NLRP4: variants seen among roughly 807,000 people sequenced by gnomAD.
NLRP4 encodes NLR family pyrin domain containing 4.
A neutral mutation model predicts 84.7 loss-of-function variants in NLRP4; 44 were observed. The ratio of observed to expected loss-of-function variants is 0.52; its 90% CI spans 0.41 to 0.67. NLRP4 has a LOEUF of 0.67. NLRP4 is among the 30% of genes least tolerant of loss of function. The pLI is 0.00. For missense variants in NLRP4, 1,260 were observed against 1,219.4 expected, an observed-to-expected ratio of 1.03 and a Z score of -0.50; for synonymous variants, 544 against 476.4, an observed-to-expected ratio of 1.14 and a Z score of -1.85.
At chr19:55,878,499 TTTTG>T (rs1159045029) in intron 8 of NLRP4, among the ~76,000 whole-genome samples, 1 of 5,838 alleles carries the variant, frequency 1.7e-4, no homozygotes, top group Admixed American at 1.4e-3. Context: ...TCATACCTTT[TTTTG>T]GATAATATGT....
At chr19:55,867,913 A>G in intron 6 of NLRP4, 37 bp downstream of exon 6, 2 of 1,596,158 alleles carry the variant, frequency 1.3e-6, no homozygotes, top group East Asian at 2.2e-5. Context: ...GTGGAGGGCC[A>G]TGGCGGCAGT....
intron 8 of NLRP4, among the ~76,000 whole-genome samples, chr19:55,877,771 GTGTGTC>G (rs1007234988): frequency 1.1e-4 from 17 of 152,100 alleles, no homozygotes; most frequent in African/African-American, 4.1e-4. Flanking sequence ...CTCTGTGTGT[GTGTGTC>G]TAAATTTCCT....
intron 1 of NLRP4, among the ~76,000 whole-genome samples, chr19:55,837,804 G>A (rs1017457803): frequency 3.3e-5 from 5 of 152,152 alleles, no homozygotes; most frequent in African/African-American, 1.2e-4. Context: ...GGGAGGTTGA[G>A]GTGGGTGGAT....
intron 1 of NLRP4, among the ~76,000 whole-genome samples, chr19:55,847,928 G>C (rs960446147): frequency 6.6e-6 from 1 of 152,048 alleles, no homozygotes; most frequent in Non-Finnish European, 1.5e-5. Context: ...TCTTGGTCAG[G>C]CTGGTCTCAA....
chr19:55,845,238 C>T (rs1181091567), intron 1 of NLRP4, among the ~76,000 whole-genome samples: 3 of 138,398 alleles, frequency 2.2e-5, no homozygotes, highest in Non-Finnish European at 1.5e-5. Context: ...CATGTGTTCT[C>T]ATTGTTCAAT....
intron 1 of NLRP4, among the ~76,000 whole-genome samples, chr19:55,840,428 G>C (rs1983568533): frequency 6.6e-6 from 1 of 151,852 alleles, no homozygotes; most frequent in Non-Finnish European, 1.5e-5. Flanking sequence ...CTGTTGCCCA[G>C]GCTGGAATGC....
At chr19:55,869,648 A>C (rs1361346503) in intron 6 of NLRP4, among the ~76,000 whole-genome samples, 1 of 152,184 alleles carries the variant, frequency 6.6e-6, no homozygotes, top group Non-Finnish European at 1.5e-5. Flanking sequence ...TTGCCAACTG[A>C]TTTTGTTAAA....
At chr19:55,880,568 CATAG>C (rs1232948160) in intron 9 of NLRP4, among the ~76,000 whole-genome samples, 6 of 152,272 alleles carry the variant, frequency 3.9e-5, no homozygotes, top group African/African-American at 1.2e-4. Context: ...CAGCCCCTAC[CATAG>C]ATAGTCTCAC....
chr19:55,865,402 G>A lies in NLRP4; in HGVS notation c.2187-2307G>A, dbSNP rs1362996386. On this transcript the variant is annotated intron_variant, in intron 5 of 9. Transcript: ENST00000301295. Reference sequence around the variant, plus strand: ...CTAGCCCACTGTTGATGGGTATTTAGGTGAATAGTGCTGTGATGAGCATAC... The same window carrying A: ...CTAGCCCACTGTTGATGGGTATTTAAGTGAATAGTGCTGTGATGAGCATAC... 2.0e-5 allele frequency among the ~76,000 whole-genome samples: 3 copies of A among 152,128 alleles called. No homozygotes were observed. In the East Asian group the frequency reaches 5.8e-4, roughly 29 times the overall value.
intron 7 of NLRP4, among the ~76,000 whole-genome samples, chr19:55,872,083 C>T (rs547451422): frequency 6.6e-4 from 100 of 152,168 alleles, no homozygotes; most frequent in African/African-American, 2.2e-3. Flanking sequence ...CTCCTGATCT[C>T]GTGATCCGCC....
chr19:55,850,171 G>T lies in NLRP4; in HGVS notation c.-65-1845G>T, dbSNP rs368769757. Among the ~76,000 whole-genome samples, 121 of 134,844 alleles carry T rather than the reference G, an allele frequency of 9.0e-4. 2 individuals carry two copies. In the East Asian group the frequency reaches 0.011, roughly 12 times the overall value. The allele number at this position is 134,844 out of a possible 152,430, so 88.5% of individuals were successfully genotyped here. ...TTTCCGAGGCTGCGGTGTAATTTCC[G>T]TGGCTGCGGTGTAATTTCCGTGGCT... On this transcript the variant is annotated intron_variant, in intron 1 of 9. Coordinates refer to ENST00000301295, the MANE Select transcript of NLRP4 (RefSeq NM_134444.5).
chr19:55,870,298 C>T (rs1035934533), intron 6 of NLRP4, among the ~76,000 whole-genome samples: 1 of 152,142 alleles, frequency 6.6e-6, no homozygotes, highest in African/African-American at 2.4e-5. Context: ...ATTAGCTATG[C>T]CATATTACAC....
At chr19:55,857,434 C>T (rs888843263) in intron 2 of NLRP4, 99 of 513,918 alleles carry the variant, frequency 1.9e-4, no homozygotes, top group African/African-American at 1.7e-3. Context: ...GTGAGTCATA[C>T]GGTCTCTCAT....
At chr19:55,859,590 G>A (rs1984639515) in intron 3 of NLRP4, among the ~76,000 whole-genome samples, 1 of 152,044 alleles carries the variant, frequency 6.6e-6, no homozygotes, top group Admixed American at 6.6e-5. Context: ...CACTCCCTGT[G>A]TCTTGACCTC....
At position 55,859,212 on chromosome 19, in the gene NLRP4, C is replaced by G. The variant is rs773500922; in HGVS notation, c.1819C>G (p.Gln607Glu). The G allele has an allele frequency of 5.3e-5, 85 of 1,605,992 alleles. No homozygotes were observed. Among genetic ancestry groups the G allele is most frequent in the South Asian group, 4.2e-4 (38 of 90,922 alleles). ...CTTGAGGAAACTCTGTTTTTCCGTT[C>G]AAAATGTCTTTAAGAAAGAGGATGA... is the stretch of plus-strand genomic sequence containing the variant. ...SSLRKLCFSVQNVFKKEDEHS... is the reference protein window; with the variant it reads ...SSLRKLCFSVENVFKKEDEHS... The change falls in exon 3 of 10, where the codon CAA becomes GAA. Residue 607 changes from glutamine (Q) to glutamate (E), a missense_variant. Physicochemically the swap from Gln to Glu is conservative, Grantham distance 29. This residue lies in a region of NLRP4 where 544 missense variants were observed against 531.7 expected (regional missense o/e 1.02). Transcript: ENST00000301295.
intron 2 of NLRP4, among the ~76,000 whole-genome samples, chr19:55,853,675 G>T (rs746805995): frequency 7.9e-5 from 12 of 152,076 alleles, no homozygotes; most frequent in Non-Finnish European, 1.5e-4. Context: ...CTCCCAAAGT[G>T]CTGGGATTAC....
intron 7 of NLRP4, among the ~76,000 whole-genome samples, chr19:55,875,524 T>C (rs746829374): frequency 2.0e-5 from 3 of 152,204 alleles, no homozygotes; most frequent in South Asian, 2.1e-4. Flanking sequence ...GAGAATATGA[T>C]CAAATTATGG....
intron 6 of NLRP4, among the ~76,000 whole-genome samples, chr19:55,869,572 G>A (rs1175646191): frequency 6.6e-6 from 1 of 152,026 alleles, no homozygotes; most frequent in East Asian, 1.9e-4. Context: ...ATTATTGCCA[G>A]ATATCCCAGT....
At chr19:55,843,791 C>T (rs1426310921) in intron 1 of NLRP4, among the ~76,000 whole-genome samples, 1 of 151,964 alleles carries the variant, frequency 6.6e-6, no homozygotes, top group Non-Finnish European at 1.5e-5. Flanking sequence ...GCAAAAACCA[C>T]AATTACTTTT....
Sources: allele counts gnomAD v4.1 joint callset (sites outside exome capture counted in the v4.1 genomes callset), GRCh38; gene constraint gnomAD v4.1.1; regional missense constraint gnomAD v4.1.1; transcripts MANE v1.5; gene names NCBI Gene and HGNC (gene_info 2026-07-23, HGNC 2026-07-21).